SYNDIG1L: variants seen among roughly 807,000 people sequenced by gnomAD.
SYNDIG1L encodes the protein synapse differentiation-inducing gene protein 1-like.
A neutral mutation model predicts 20.1 loss-of-function variants in SYNDIG1L; 13 were observed. That is an observed-to-expected ratio of 0.65 (90% CI 0.42 to 1.03). SYNDIG1L has a LOEUF of 1.03. Among genes scored for constraint, SYNDIG1L ranks in the 50% least tolerant of loss-of-function variants. The probability of loss-of-function intolerance (pLI) is 0.00; values close to 1 mark genes in which losing one functional copy is unlikely to be tolerated. For synonymous variants in SYNDIG1L, 128 were observed against 129.3 expected (o/e 0.99, Z 0.07); for missense variants, 294 against 305.1 (o/e 0.96, Z 0.27).
the SYNDIG1L span, among the ~76,000 whole-genome samples, chr14:74,469,853 T>C: frequency 1.3e-5 from 2 of 152,198 alleles, no homozygotes; most frequent in Non-Finnish European, 2.9e-5. Context: ...TCTTTGCTTA[T>C]TGTTCTGGGT....
chr14:74,436,493 C>T, the SYNDIG1L span, among the ~76,000 whole-genome samples: 1 of 152,096 alleles, frequency 6.6e-6, no homozygotes, highest in Non-Finnish European at 1.5e-5. Flanking sequence ...CCTGCTTCAG[C>T]CTCCCAAAGT....
chr14:74,437,980 T>A, the SYNDIG1L span, among the ~76,000 whole-genome samples: 2 of 152,350 alleles, frequency 1.3e-5, no homozygotes, highest in East Asian at 3.9e-4. Flanking sequence ...AAGGAAAACC[T>A]GAAGTCCTGT....
At chr14:74,477,077 CA>C in the SYNDIG1L span, among the ~76,000 whole-genome samples, 3 of 127,948 alleles carry the variant, frequency 2.3e-5, no homozygotes, top group African/African-American at 6.2e-5. Flanking sequence ...CACACACACA[CA>C]CACACACACA....
chr14:74,453,921 GT>G, the SYNDIG1L span, among the ~76,000 whole-genome samples: 1 of 152,098 alleles, frequency 6.6e-6, no homozygotes, highest in South Asian at 2.1e-4. Flanking sequence ...AGCTGAGATT[GT>G]GCTACCACAC....
chr14:74,409,557 G>A lies in SYNDIG1L; in HGVS notation c.188C>T (p.Ala63Val), dbSNP rs1284841784. 6.5e-7 allele frequency: 1 copy of A among 1,535,610 alleles called. No homozygotes were observed. The highest frequency in any genetic ancestry group is 8.8e-7 in the Non-Finnish European group (1 of 1,142,152). ...QLLDPGSLQL[A>V]VEAWYRPSCL... ...GCTGGGCCGGTACCAGGCCTCCACG[G>A]CCAGCTGCAGGGACCCTGGGTCCAG... is the stretch of plus-strand genomic sequence containing the variant. The change falls in exon 2 of 4, where the codon GCC becomes GTC. Residue 63 changes from alanine (A) to valine (V), a missense_variant. By Grantham distance (64) the Ala-to-Val change is moderately conservative. Transcript: ENST00000331628.
intron 2 of SYNDIG1L, among the ~76,000 whole-genome samples, chr14:74,408,329 C>T (rs999532204): frequency 1.2e-4 from 19 of 152,014 alleles, no homozygotes; most frequent in Admixed American, 3.9e-4. Flanking sequence ...TTTGGGAGGC[C>T]GAGGCGGGTG....
chr14:74,409,603 G>A lies in SYNDIG1L; in HGVS notation c.142C>T (p.Pro48Ser), dbSNP rs2086113922. The A allele has an allele frequency of 6.6e-7, 1 of 1,508,066 alleles. No homozygotes were observed. The highest frequency in any genetic ancestry group is 2.4e-5 in the East Asian group (1 of 42,506). 93.4% of individuals were successfully genotyped at this position (1,508,066 alleles called of 1,614,324 possible). Residue 48 changes from proline (P) to serine (S), a missense_variant, in exon 2 of 4, where the codon CCT becomes TCT. Transcript: ENST00000331628. ...TCCAGGAGCTGGTGGGCTCCGGCAGGCCCAGCGCCACCTAGGAGGTAGGAG... is the reference window on the plus strand; with the variant it reads ...TCCAGGAGCTGGTGGGCTCCGGCAGACCCAGCGCCACCTAGGAGGTAGGAG... Reference protein sequence around the residue: ...LYSYLLGGAGPAGAHQLLDPG... With the variant: ...LYSYLLGGAGSAGAHQLLDPG...
chr14:74,453,026 T>C, the SYNDIG1L span, among the ~76,000 whole-genome samples: 1 of 152,114 alleles, frequency 6.6e-6, no homozygotes, highest in Non-Finnish European at 1.5e-5. Context: ...TTCTAGAGAA[T>C]ACAACTCATC....
chr14:74,425,237 T>C (rs2086255353), intron 1 of SYNDIG1L, among the ~76,000 whole-genome samples: 1 of 152,204 alleles, frequency 6.6e-6, no homozygotes. Context: ...CACCAGCACA[T>C]AATAGAAAAC....
the SYNDIG1L span, among the ~76,000 whole-genome samples, chr14:74,464,480 G>C: frequency 6.6e-6 from 1 of 152,146 alleles, no homozygotes; most frequent in Non-Finnish European, 1.5e-5. Context: ...GGTTGTGGAA[G>C]TGCTGGGTAA....
the SYNDIG1L span, among the ~76,000 whole-genome samples, chr14:74,461,517 C>T: frequency 1.3e-5 from 2 of 152,140 alleles, no homozygotes; most frequent in African/African-American, 4.8e-5. Context: ...AGGCTAACAC[C>T]TTCAAGTACA....
chr14:74,426,468 C>T (rs890205306), upstream of SYNDIG1L, among the ~76,000 whole-genome samples: 2 of 152,158 alleles, frequency 1.3e-5, no homozygotes, highest in Non-Finnish European at 2.9e-5. Flanking sequence ...CCTCCTCCCG[C>T]GCACCCCAGA....
chr14:74,439,646 C>T, the SYNDIG1L span, among the ~76,000 whole-genome samples: 7 of 151,966 alleles, frequency 4.6e-5, no homozygotes, highest in East Asian at 1.9e-4. Flanking sequence ...TTTGGGAGGC[C>T]GAGGCAGGCG....
the SYNDIG1L span, among the ~76,000 whole-genome samples, chr14:74,437,054 G>A: frequency 2.0e-5 from 3 of 152,156 alleles, no homozygotes; most frequent in African/African-American, 7.2e-5. Flanking sequence ...GGTTGGGGGT[G>A]TATTTCTATC....
chr14:74,468,075 C>A, the SYNDIG1L span, among the ~76,000 whole-genome samples: 2 of 152,012 alleles, frequency 1.3e-5, no homozygotes, highest in Non-Finnish European at 2.9e-5. Flanking sequence ...GGAAGCTGGG[C>A]CCGCCAAACT....
At chr14:74,475,208 T>A in the SYNDIG1L span, among the ~76,000 whole-genome samples, 14 of 151,876 alleles carry the variant, frequency 9.2e-5, no homozygotes, top group Admixed American at 8.5e-4. Context: ...CTTCCTTTTT[T>A]ATCTAGGATG....
chr14:74,440,343 G>A, the SYNDIG1L span, among the ~76,000 whole-genome samples: 2 of 152,064 alleles, frequency 1.3e-5, no homozygotes, highest in Non-Finnish European at 2.9e-5. Flanking sequence ...GTGAAACCCC[G>A]TCTCTACTAA....
At chr14:74,431,529 TAA>T in the SYNDIG1L span, among the ~76,000 whole-genome samples, 1 of 152,140 alleles carries the variant, frequency 6.6e-6, no homozygotes. Context: ...AATAATTCAA[TAA>T]GTTTGTTTTT....
At chr14:74,475,270 T>C in the SYNDIG1L span, among the ~76,000 whole-genome samples, 3 of 151,428 alleles carry the variant, frequency 2.0e-5, no homozygotes, top group Admixed American at 1.3e-4. Flanking sequence ...CGTCAGGTAC[T>C]GCACTGAGCA....
Sources: gnomAD v4.1 joint callset for allele counts (sites outside exome capture counted in the v4.1 genomes callset) on GRCh38, gnomAD v4.1.1 for gene constraint, MANE v1.5 for transcripts, NCBI Gene and HGNC (gene_info 2026-07-23, HGNC 2026-07-21) for gene names.